Variants in SLC22A5 observed in about 807,000 individuals in gnomAD.
SLC22A5 encodes the protein organic cation/carnitine transporter 2.
Under a neutral mutation model 56.7 loss-of-function variants are expected in SLC22A5, and 44 were observed. That is an observed-to-expected ratio of 0.78 (90% CI 0.61 to 1.00). The LOEUF is 1.00. Among genes scored for constraint, SLC22A5 ranks in the 50% least tolerant of loss-of-function variants. The pLI, the probability that SLC22A5 is intolerant of heterozygous loss-of-function variation, is 0.00. For missense variants in SLC22A5, 675 were observed against 723.0 expected (o/e 0.93, Z 0.76); for synonymous variants, 278 against 292.1 (o/e 0.95, Z 0.49).
rs146019791 is a variant in SLC22A5, at chr5:132,371,220, C to CT, written c.393+856dup. On this transcript the variant is annotated intron_variant, in intron 1 of 9. Coordinates refer to ENST00000245407, the MANE Select transcript of SLC22A5 (RefSeq NM_003060.4). ...GACCTCGTGATCTGCCTGCTTCTGC[C>CT]TCCAAAGCTGGGATTACAACCGTGA... is the stretch of plus-strand genomic sequence containing the variant. 8.1e-3 allele frequency among the ~76,000 whole-genome samples: 1,231 copies of CT among 152,268 alleles called. 13 individuals are homozygous for CT. Among genetic ancestry groups the CT allele is most frequent in the Non-Finnish European group, 0.012 (832 of 68,032 alleles).
intron 5 of SLC22A5, among the ~76,000 whole-genome samples, chr5:132,387,429 T>C (rs1452547421): frequency 6.6e-6 from 1 of 152,160 alleles, no homozygotes; most frequent in African/African-American, 2.4e-5. Flanking sequence ...ATTTTAACCA[T>C]TACTTCTAAC....
Position 132,390,896 on chromosome 5 carries a change from T to C in SLC22A5, c.1259T>C (p.Val420Ala). Residue 420 changes from valine (V) to alanine (A), a missense_variant, in exon 7 of 10, where the codon GTA becomes GCA. Coordinates refer to ENST00000245407, the MANE Select transcript of SLC22A5 (RefSeq NM_003060.4). ...GGSVLLFMQL[V>A]PPDLYYLATV... ...AGTGTCCTTCTCTTCATGCAGCTGG[T>C]ACCCCCAGGTAGGGACCATGTGCAT... 1.2e-6 allele frequency: 2 copies of C among 1,613,792 alleles called. No homozygotes were observed. The highest frequency in any genetic ancestry group is 1.7e-6 in the Non-Finnish European group (2 of 1,179,796).
intron 2 of SLC22A5, chr5:132,382,915 A>C (rs1167326857): frequency 2.0e-5 from 3 of 152,210 alleles, no homozygotes; most frequent in Non-Finnish European, 4.4e-5. Flanking sequence ...GCCAGACTCA[A>C]ACTGAACCCA....
At chr5:132,373,243 A>G (rs2126769686) in intron 1 of SLC22A5, among the ~76,000 whole-genome samples, 1 of 152,350 alleles carries the variant, frequency 6.6e-6, no homozygotes, top group Admixed American at 6.5e-5. Flanking sequence ...GAATTTTTTA[A>G]AGGAAATGTG....
intron 1 of SLC22A5, chr5:132,376,281 C>T (rs1437089073): frequency 6.6e-6 from 1 of 152,256 alleles, no homozygotes; most frequent in African/African-American, 2.4e-5. Context: ...TTTTGGAGGG[C>T]CCAAAGCCAG....
At position 132,395,527 on chromosome 5, in the gene SLC22A5, A is replaced by G. The variant is rs954813813; in HGVS notation, c.*1255A>G. 2.6e-5 allele frequency: 4 copies of G among 152,796 alleles called. 2 individuals carry two copies. The South Asian group carries it at 8.3e-4, about 32-fold the overall frequency. The allele number at this position is 152,796 out of a possible 1,614,324, so 9.5% of individuals were successfully genotyped here. A position where few individuals can be genotyped will look rare whatever the true frequency, so the allele number is the denominator to read the frequency against. On this transcript the variant is annotated 3_prime_UTR_variant, in exon 10 of 10. Transcript: ENST00000245407. ...TAAAGCATATGCCTCACCTGGTTAA[A>G]AAAGAACAAACATGTTTTTGTGAAA...
chr5:132,374,320 G>A (rs1288861662), intron 1 of SLC22A5, among the ~76,000 whole-genome samples: 1 of 152,156 alleles, frequency 6.6e-6, no homozygotes, highest in African/African-American at 2.4e-5. Context: ...GTCCTGGGTG[G>A]GACTCCCACT....
Position 132,387,158 on chromosome 5 carries a change from A to G in SLC22A5, c.951+7A>G. ...TATCTTTGACCCGAGTGAGGTAAGC[A>G]CCATGTGGGTGTGGGTGAGAGGGAC... is the stretch of plus-strand genomic sequence containing the variant. On this transcript the variant is annotated splice_region_variant and intron_variant, in intron 5 of 9. Coordinates refer to ENST00000245407, the MANE Select transcript of SLC22A5 (RefSeq NM_003060.4). The G allele has an allele frequency of 6.2e-7, 1 of 1,614,122 alleles. No homozygotes were observed. The highest frequency in any genetic ancestry group is 8.5e-7 in the Non-Finnish European group (1 of 1,180,008).
intron 6 of SLC22A5, chr5:132,390,153 A>G: frequency 5.1e-6 from 1 of 195,342 alleles, no homozygotes; most frequent in East Asian, 1.3e-4. Flanking sequence ...CTCCACAAGT[A>G]CCGCGGGGCT....
intron 4 of SLC22A5, among the ~76,000 whole-genome samples, chr5:132,386,249 TCAGA>T (rs905612105): frequency 8.6e-5 from 13 of 151,398 alleles, no homozygotes; most frequent in African/African-American, 2.9e-4. Flanking sequence ...TTTTTTTTTC[TCAGA>T]CAAAGTCTCT....
Position 132,394,382 on chromosome 5 carries a change from C to T in SLC22A5, c.*110C>T. ...TGACAAAAGGCCTTTGCTGTTTGTC[C>T]TCTTGACCTGTGTCTGACTTGCTCC... On this transcript the variant is annotated 3_prime_UTR_variant, in exon 10 of 10. Transcript: ENST00000245407. 1 of 859,956 alleles carries T rather than the reference C, an allele frequency of 1.2e-6. No individual in the cohort carries two copies. Among genetic ancestry groups the T allele is most frequent in the South Asian group, 1.3e-5 (1 of 75,034 alleles). 53.3% of individuals were successfully genotyped at this position (859,956 alleles called of 1,614,324 possible). A position where few individuals can be genotyped will look rare whatever the true frequency, so the allele number is the denominator to read the frequency against.
chr5:132,384,435 G>A (rs1580884867), intron 3 of SLC22A5, 134 bp downstream of exon 3: 3 of 965,144 alleles, frequency 3.1e-6, no homozygotes, highest in East Asian at 2.4e-5. Context: ...GAGCTTCCTG[G>A]TGAACCTTAC....
chr5:132,376,687 A>T (rs570210196), intron 1 of SLC22A5: 1 of 152,172 alleles, frequency 6.6e-6, no homozygotes, highest in Admixed American at 6.5e-5. Flanking sequence ...TCATGTTTTC[A>T]TCTTTTCCAC....
intron 4 of SLC22A5, among the ~76,000 whole-genome samples, chr5:132,386,256 A>G (rs1428774594): frequency 3.4e-5 from 5 of 149,090 alleles, no homozygotes; most frequent in Admixed American, 3.3e-4. Flanking sequence ...TTCTCAGACA[A>G]AGTCTCTGTT....
chr5:132,387,236 T>C (rs1752563935), intron 5 of SLC22A5, 85 bp downstream of exon 5: 10 of 1,532,230 alleles, frequency 6.5e-6, no homozygotes, highest in Middle Eastern at 3.8e-4. Context: ...TCCTCCCTGC[T>C]CACAGCAGCC....
intron 1 of SLC22A5, among the ~76,000 whole-genome samples, chr5:132,372,032 CT>C (rs1181034431): frequency 1.3e-5 from 2 of 152,178 alleles, no homozygotes; most frequent in Admixed American, 1.3e-4. Context: ...GCATTTGGAC[CT>C]GCTTTCTCCA....
chr5:132,370,390 TG>T (rs1365091800), intron 1 of SLC22A5, 25 bp downstream of exon 1: 1 of 1,609,856 alleles, frequency 6.2e-7, no homozygotes, highest in African/African-American at 1.3e-5. Flanking sequence ...CTGCTGGGGC[TG>T]AGACCAGGGC....
At chr5:132,370,453 C>T (rs1354521572) in intron 1 of SLC22A5, 88 bp downstream of exon 1, 19 of 1,396,088 alleles carry the variant, frequency 1.4e-5, no homozygotes, top group Admixed American at 2.0e-5. Flanking sequence ...CCCAGATGCG[C>T]ACTGGACGCT....
chr5:132,385,739 T>C (rs1268933328), intron 4 of SLC22A5, among the ~76,000 whole-genome samples: 2 of 152,216 alleles, frequency 1.3e-5, no homozygotes, highest in East Asian at 3.8e-4. Context: ...TGGGGAAAAA[T>C]AGCAGTAGCT....
Sources: allele counts gnomAD v4.1 joint callset (sites outside exome capture counted in the v4.1 genomes callset), GRCh38; gene constraint gnomAD v4.1.1; transcripts MANE v1.5; gene names NCBI Gene and HGNC (gene_info 2026-07-23, HGNC 2026-07-21).